LEMD3: variants seen among roughly 807,000 people sequenced by gnomAD.
LEMD3 encodes the protein LEM domain containing 3.
In LEMD3, 33 loss-of-function variants were observed where a neutral mutation model predicts 95.2. The observed-to-expected ratio is 0.35, with a 90% CI of 0.26 to 0.46. The LOEUF (loss-of-function observed/expected upper bound fraction) is 0.46, where lower values mean the gene tolerates loss of function less well. Ranked by LOEUF, LEMD3 falls within the 20% of genes least tolerant of loss-of-function variation. LEMD3 has a pLI of 1.00. For missense variants in LEMD3, 1,210 were observed against 1,192.8 expected (o/e 1.01, Z -0.21); for synonymous variants, 525 against 474.6 (o/e 1.11, Z -1.38).
In LEMD3 at chr12:65,241,772, G is replaced by A. The variant is rs182293284; in HGVS notation, c.2305+685G>A. Among the ~76,000 whole-genome samples the A allele has an allele frequency of 2.0e-3, 300 of 152,248 alleles. 1 individual carries two copies. Among genetic ancestry groups the A allele is most frequent in the African/African-American group, 7.0e-3 (291 of 41,568 alleles). Reference sequence around the variant, plus strand: ...GCTAAACATAGTATTTGTGGAAAAGGTAAGTTGTTTTGGACATGCAATACA... The same window carrying A: ...GCTAAACATAGTATTTGTGGAAAAGATAAGTTGTTTTGGACATGCAATACA... On this transcript the variant is annotated intron_variant, in intron 9 of 12. Coordinates refer to ENST00000308330, the MANE Select transcript of LEMD3 (RefSeq NM_014319.5).
intron 2 of LEMD3, among the ~76,000 whole-genome samples, chr12:65,214,504 T>G (rs929092990): frequency 6.6e-6 from 1 of 152,202 alleles, no homozygotes; most frequent in Non-Finnish European, 1.5e-5. Context: ...GGTAGGATCT[T>G]GGCACTTTTG....
chr12:65,248,061 TTTAAAA>T lies in LEMD3; in HGVS notation c.*1737_*1742del, dbSNP rs1871168699. The T allele has an allele frequency of 6.6e-6, 1 of 152,566 alleles. No individual in the cohort carries two copies. Among genetic ancestry groups the T allele is most frequent in the African/African-American group, 2.4e-5 (1 of 41,460 alleles). The allele number at this position is 152,566 out of a possible 1,614,324, so 9.5% of individuals were successfully genotyped here. A position where few individuals can be genotyped will look rare whatever the true frequency, so the allele number is the denominator to read the frequency against. Reference sequence around the variant, plus strand: ...TGAATGTAAAAAATAGTTGTGGCATTTTAAAAGGTCGCCTTTGATGCAGATGCATCT... The same window carrying T: ...TGAATGTAAAAAATAGTTGTGGCATTGGTCGCCTTTGATGCAGATGCATCT... On this transcript the variant is annotated 3_prime_UTR_variant, in exon 13 of 13. Coordinates refer to ENST00000308330, the MANE Select transcript of LEMD3 (RefSeq NM_014319.5).
chr12:65,230,185 A>G (rs1280613733), intron 4 of LEMD3, among the ~76,000 whole-genome samples: 2 of 152,176 alleles, frequency 1.3e-5, no homozygotes, highest in African/African-American at 2.4e-5. Flanking sequence ...TGCCAGTACC[A>G]TGCTGTTTTG....
chr12:65,220,491 C>G (rs151181274), intron 4 of LEMD3, among the ~76,000 whole-genome samples: 1 of 152,074 alleles, frequency 6.6e-6, no homozygotes, highest in Non-Finnish European at 1.5e-5. Context: ...ATATGGTTTG[C>G]AAATATTTTC....
chr12:65,197,997 G>A (rs186144462), intron 1 of LEMD3, among the ~76,000 whole-genome samples: 2 of 152,210 alleles, frequency 1.3e-5, no homozygotes, highest in Non-Finnish European at 2.9e-5. Context: ...CAAAGTAGAA[G>A]ACCTATTGTA....
chr12:65,209,829 T>C (rs1392165539), intron 1 of LEMD3, among the ~76,000 whole-genome samples: 1 of 152,120 alleles, frequency 6.6e-6, no homozygotes, highest in African/African-American at 2.4e-5. Context: ...CAGTTCCTGG[T>C]TCCTATGGGA....
At chr12:65,205,050 CAGA>C (rs1352900193) in intron 1 of LEMD3, among the ~76,000 whole-genome samples, 3 of 152,072 alleles carry the variant, frequency 2.0e-5, no homozygotes, top group African/African-American at 7.2e-5. Flanking sequence ...GCAATCATGG[CAGA>C]AGGAGAAGCA....
intron 1 of LEMD3, among the ~76,000 whole-genome samples, chr12:65,206,124 A>G (rs1460283195): frequency 1.3e-5 from 2 of 152,146 alleles, no homozygotes; most frequent in African/African-American, 2.4e-5. Context: ...GCTGTTGGAA[A>G]CATTCCCCCT....
intron 1 of LEMD3, among the ~76,000 whole-genome samples, chr12:65,180,972 A>T (rs186150845): frequency 6.6e-6 from 1 of 151,516 alleles, no homozygotes; most frequent in Non-Finnish European, 1.5e-5. Flanking sequence ...GCTCATATAT[A>T]TCTGAGTATG....
intron 4 of LEMD3, among the ~76,000 whole-genome samples, chr12:65,238,276 A>T (rs1033885963): frequency 6.6e-6 from 1 of 152,210 alleles, no homozygotes; most frequent in East Asian, 1.9e-4. Flanking sequence ...GTTCCCAAAT[A>T]TGTAAAATAT....
chr12:65,172,402 G>A (rs898092494), intron 1 of LEMD3, among the ~76,000 whole-genome samples: 1 of 152,154 alleles, frequency 6.6e-6, no homozygotes, highest in Non-Finnish European at 1.5e-5. Context: ...GAAAGATGCA[G>A]TTAGCCAACT....
chr12:65,190,807 C>T (rs1054540977), intron 1 of LEMD3, among the ~76,000 whole-genome samples: 7 of 152,044 alleles, frequency 4.6e-5, no homozygotes, highest in African/African-American at 1.7e-4. Context: ...ATTGTATTGC[C>T]ATAAAAATAG....
chr12:65,202,329 C>T (rs2136331011), intron 1 of LEMD3, among the ~76,000 whole-genome samples: 1 of 151,994 alleles, frequency 6.6e-6, no homozygotes, highest in Middle Eastern at 3.4e-3. Context: ...GGGTATTGAC[C>T]TTTTGTCAGA....
At chr12:65,201,761 C>G (rs1423614970) in intron 1 of LEMD3, among the ~76,000 whole-genome samples, 2 of 151,990 alleles carry the variant, frequency 1.3e-5, no homozygotes, top group African/African-American at 2.4e-5. Context: ...AACCTCTGTA[C>G]TTTTTCTTTC....
chr12:65,201,255 A>G (rs1040846014), intron 1 of LEMD3, among the ~76,000 whole-genome samples: 8 of 152,074 alleles, frequency 5.3e-5, no homozygotes, highest in Non-Finnish European at 1.0e-4. Flanking sequence ...TTGTTCTTCA[A>G]TATTGTGTTG....
rs574430195 is a variant in LEMD3 at position 65,206,702 on chromosome 12, A to C, written c.1523-4224A>C. Among the ~76,000 whole-genome samples, 6 of 152,260 alleles carry C rather than the reference A, an allele frequency of 3.9e-5. No individual in the cohort carries two copies. In the South Asian group the frequency reaches 1.0e-3, roughly 26 times the overall value. ...TACTTTATATTTTTATGTATCACGG[A>C]AAATACTTCCCTAGACTACAATTGG... On this transcript the variant is annotated intron_variant, in intron 1 of 12. Coordinates refer to ENST00000308330, the MANE Select transcript of LEMD3 (RefSeq NM_014319.5).
At position 65,243,377 on chromosome 12, in the gene LEMD3, G is replaced by GT; in HGVS notation, c.2306-5dup. 6.6e-7 allele frequency: 1 copy of GT among 1,514,946 alleles called. No homozygotes were observed. The highest frequency in any genetic ancestry group is 9.2e-7 in the Non-Finnish European group (1 of 1,089,726). 93.8% of individuals were successfully genotyped at this position (1,514,946 alleles called of 1,614,324 possible). On this transcript the variant is annotated splice_polypyrimidine_tract_variant and intron_variant, in intron 9 of 12. Coordinates refer to ENST00000308330, the MANE Select transcript of LEMD3 (RefSeq NM_014319.5). ...CAATGTCAAATAGTAAAACTAACTTGTTTTTTGTAGCATTTCATTTAGATA... is the reference window on the plus strand; with the variant it reads ...CAATGTCAAATAGTAAAACTAACTTGTTTTTTTGTAGCATTTCATTTAGATA...
chr12:65,216,009 A>G lies in LEMD3; in HGVS notation c.1593A>G (p.Leu531=). The change falls in exon 3 of 13, where the codon TTA becomes TTG. Residue 531 remains leucine (L), a synonymous_variant. Coordinates refer to ENST00000308330, the MANE Select transcript of LEMD3 (RefSeq NM_014319.5). ...ESEKTLMMNT[L]YKLHDRLAQL... is the part of the protein sequence containing the mutation. Reference sequence around the variant, plus strand: ...AAAAAACTCTTATGATGAACACATTATATAAGCTTCATGATCGATTGGCAC... The same window carrying G: ...AAAAAACTCTTATGATGAACACATTGTATAAGCTTCATGATCGATTGGCAC... The G allele has an allele frequency of 6.3e-7, 1 of 1,589,492 alleles. No individual in the cohort carries two copies. The highest frequency in any genetic ancestry group is 8.6e-7 in the Non-Finnish European group (1 of 1,161,576).
At chr12:65,180,651 A>T (rs1465162027) in intron 1 of LEMD3, among the ~76,000 whole-genome samples, 1 of 152,136 alleles carries the variant, frequency 6.6e-6, no homozygotes, top group Non-Finnish European at 1.5e-5. Flanking sequence ...AAATTATACC[A>T]CTGAATTTTT....
Sources: gnomAD v4.1 joint callset for allele counts (sites outside exome capture counted in the v4.1 genomes callset) on GRCh38, gnomAD v4.1.1 for gene constraint, MANE v1.5 for transcripts, NCBI Gene and HGNC (gene_info 2026-07-23, HGNC 2026-07-21) for gene names.